Variants in COL15A1 observed in about 807,000 individuals in gnomAD.
COL15A1 encodes the protein collagen alpha-1(XV) chain.
A neutral mutation model predicts 165.9 loss-of-function variants in COL15A1; 111 were observed. The observed-to-expected ratio is 0.67, with a 90% CI of 0.57 to 0.78. The LOEUF is 0.78. COL15A1 is among the 30% of genes least tolerant of loss of function. The pLI, the probability that COL15A1 is intolerant of heterozygous loss-of-function variation, is 0.00. For synonymous variants in COL15A1, 659 were observed against 674.8 expected, an observed-to-expected ratio of 0.98 and a Z score of 0.36; for missense variants, 1,745 against 1,789.7, an observed-to-expected ratio of 0.98 and a Z score of 0.45.
intron 2 of COL15A1, among the ~76,000 whole-genome samples, chr9:98,969,537 C>G (rs2064879003): frequency 6.6e-6 from 1 of 152,210 alleles, no homozygotes; most frequent in African/African-American, 2.4e-5. Flanking sequence ...CAGTGGCTGC[C>G]CAGTGGCCAG....
At chr9:99,066,597 C>CGGTTTTTTTTT (rs1825894572) in intron 39 of COL15A1, among the ~76,000 whole-genome samples, 3 of 65,114 alleles carry the variant, frequency 4.6e-5, no homozygotes, top group African/African-American at 2.0e-4. Context: ...ATATTTTGTT[C>CGGTTTTTTTTT]TGTTTTTTTT....
intron 2 of COL15A1, among the ~76,000 whole-genome samples, chr9:98,953,099 G>C (rs748348360): frequency 1.6e-4 from 24 of 152,294 alleles, no homozygotes; most frequent in East Asian, 3.9e-4. Context: ...TTGTAAAAAG[G>C]AGGCAATCTT....
At position 98,996,983 on chromosome 9, in the gene COL15A1, C is replaced by T. The variant is rs759922388; in HGVS notation, c.854C>T (p.Ser285Phe). The change falls in exon 6 of 42, where the codon TCC becomes TTC. Residue 285 changes from serine to phenylalanine, a missense_variant. Transcript: ENST00000375001. ...EPINTPPTPS[S>F]PFEDMELSGE... Reference sequence around the variant, plus strand: ...ATAAACACACCTCCAACTCCATCCTCCCCCTTTGAAGACATGGAACTTTCT... The same window carrying T: ...ATAAACACACCTCCAACTCCATCCTTCCCCTTTGAAGACATGGAACTTTCT... 3 of 1,614,202 alleles carry T rather than the reference C, an allele frequency of 1.9e-6. No individual in the cohort carries two copies. The highest frequency in any genetic ancestry group is 1.1e-5 in the South Asian group (1 of 91,088).
intron 9 of COL15A1, among the ~76,000 whole-genome samples, chr9:99,014,032 G>A (rs1417360461): frequency 6.6e-6 from 1 of 152,182 alleles, no homozygotes; most frequent in African/African-American, 2.4e-5. Context: ...GAGAGGTCTT[G>A]TTACCCATAA....
At chr9:98,970,693 T>C (rs936581990) in intron 2 of COL15A1, among the ~76,000 whole-genome samples, 18 of 152,166 alleles carry the variant, frequency 1.2e-4, no homozygotes, top group African/African-American at 4.1e-4. Flanking sequence ...TGTATGTATA[T>C]GAGTGTAGGT....
chr9:99,060,242 A>ATTT (rs1825789355), intron 36 of COL15A1, among the ~76,000 whole-genome samples: 1 of 108,106 alleles, frequency 9.3e-6, no homozygotes, highest in African/African-American at 3.9e-5. Context: ...TTTTATATAT[A>ATTT]TATATATATA....
In COL15A1 at chr9:99,059,894, G is replaced by A. The variant is rs2117953998; in HGVS notation, c.3343G>A (p.Ala1115Thr). The change falls in exon 36 of 42, where the codon GCC becomes ACC. Residue 1115 changes from alanine (A) to threonine (T), a missense_variant. Coordinates refer to ENST00000375001, the MANE Select transcript of COL15A1 (RefSeq NM_001855.5). Reference sequence around the variant, plus strand: ...TCTTTTCTGTTTTGTCTTAGCTGTGGCCCTTCCAGGTCCCCCTGGCCCTCC... The same window carrying A: ...TCTTTTCTGTTTTGTCTTAGCTGTGACCCTTCCAGGTCCCCCTGGCCCTCC... Reference protein sequence around the residue: ...GPPAILGAAVALPGPPGPPGQ... With the variant: ...GPPAILGAAVTLPGPPGPPGQ... 1.2e-6 allele frequency: 2 copies of A among 1,613,744 alleles called. No homozygotes were observed. Among genetic ancestry groups the A allele is most frequent in the South Asian group, 2.2e-5 (2 of 91,042 alleles).
At chr9:99,031,426 C>T (rs1839211962) in intron 16 of COL15A1, among the ~76,000 whole-genome samples, 1 of 152,212 alleles carries the variant, frequency 6.6e-6, no homozygotes, top group Non-Finnish European at 1.5e-5. Context: ...TGAACCTCAC[C>T]CATGGGAGCA....
rs369825459 is a variant in COL15A1, at chr9:99,066,541, G to A, written c.3652-341G>A. The stretch of plus-strand genomic sequence containing the variant: ...GGTCTCAAACTTATGGCCTGCAGGT[G>A]GATTCCGAGATTCAGATCCCTGAAG... On this transcript the variant is annotated intron_variant, in intron 39 of 41. Coordinates refer to ENST00000375001, the MANE Select transcript of COL15A1 (RefSeq NM_001855.5). Among the ~76,000 whole-genome samples, 146 of 150,884 alleles carry A rather than the reference G, an allele frequency of 9.7e-4. 3 individuals are homozygous for A. The South Asian group carries it at 0.029, about 30-fold the overall frequency.
chr9:99,062,893 G>A (rs533570355), intron 38 of COL15A1, among the ~76,000 whole-genome samples, 157 bp from the exon 39 acceptor site: 3 of 152,258 alleles, frequency 2.0e-5, no homozygotes, highest in Non-Finnish European at 4.4e-5. Context: ...TCTTCAGCAG[G>A]TCATGAAACT....
chr9:99,008,369 T>C (rs753258702), intron 9 of COL15A1, among the ~76,000 whole-genome samples: 38 of 152,232 alleles, frequency 2.5e-4, no homozygotes, highest in Non-Finnish European at 4.6e-4. Flanking sequence ...AGGGCTTTTA[T>C]TGGCTCTATA....
Position 99,016,063 on chromosome 9 carries a change from C to G in COL15A1, c.1591C>G (p.Pro531Ala). The G allele has an allele frequency of 6.2e-7, 1 of 1,614,096 alleles. No homozygotes were observed. Among genetic ancestry groups the G allele is most frequent in the Non-Finnish European group, 8.5e-7 (1 of 1,179,988 alleles). ...GGGTGAAGAGTCCGGCAGCCCTCCC[C>G]CTGATGGGCCACCGCTGCCCCTGCC... Reference protein sequence around the residue: ...AGGEESGSPPPDGPPLPLPTV... With the variant: ...AGGEESGSPPADGPPLPLPTV... Residue 531 changes from proline to alanine, a missense_variant, in exon 11 of 42, where the codon CCT becomes GCT. Coordinates refer to ENST00000375001, the MANE Select transcript of COL15A1 (RefSeq NM_001855.5).
chr9:99,042,847 T>C (rs1313175000), intron 24 of COL15A1, among the ~76,000 whole-genome samples: 3 of 152,196 alleles, frequency 2.0e-5, no homozygotes, highest in Non-Finnish European at 1.5e-5. Context: ...AGTTGGTTTT[T>C]ATAGATAAGG....
chr9:98,998,999 G>A, intron 6 of COL15A1, among the ~76,000 whole-genome samples: 1 of 152,212 alleles, frequency 6.6e-6, no homozygotes, highest in African/African-American at 2.4e-5. Flanking sequence ...TTCTTCCCAG[G>A]GGTCAGTCCT....
intron 34 of COL15A1, 146 bp from the exon 35 acceptor site, chr9:99,056,114 A>G: frequency 3.4e-6 from 3 of 873,442 alleles, no homozygotes; most frequent in Non-Finnish European, 5.5e-6. Flanking sequence ...GCCTTACCCC[A>G]CCTTGAATTG....
chr9:99,045,355 G>T (rs538448022), intron 26 of COL15A1, among the ~76,000 whole-genome samples: 24 of 152,294 alleles, frequency 1.6e-4, no homozygotes, highest in African/African-American at 5.5e-4. Context: ...CCACTCATTT[G>T]CTGTGAGACC....
At chr9:98,998,474 A>G (rs1175085201) in intron 6 of COL15A1, among the ~76,000 whole-genome samples, 1 of 152,168 alleles carries the variant, frequency 6.6e-6, no homozygotes, top group Non-Finnish European at 1.5e-5. Context: ...GGAGAGTCAG[A>G]CAGCTTGGAA....
chr9:98,978,520 G>A (rs1376622700), intron 2 of COL15A1, among the ~76,000 whole-genome samples: 1 of 152,232 alleles, frequency 6.6e-6, no homozygotes, highest in African/African-American at 2.4e-5. Context: ...AAGCGAAGAA[G>A]AAAGCAGAGC....
intron 40 of COL15A1, among the ~76,000 whole-genome samples, chr9:99,067,992 G>A (rs1825922997): frequency 2.6e-5 from 4 of 152,220 alleles, no homozygotes; most frequent in African/African-American, 9.6e-5. Flanking sequence ...TGATTGGAAG[G>A]AGGCTTGTAT....
Sources: allele counts gnomAD v4.1 joint callset (sites outside exome capture counted in the v4.1 genomes callset), GRCh38; gene constraint gnomAD v4.1.1; transcripts MANE v1.5; gene names NCBI Gene and HGNC (gene_info 2026-07-23, HGNC 2026-07-21).